The following GRID2 variants were observed in gnomAD, a reference collection of about 807,000 sequenced individuals.
The protein encoded by GRID2 is glutamate receptor ionotropic, delta-2.
A neutral mutation model predicts 114.8 loss-of-function variants in GRID2; 33 were observed. That is an observed-to-expected ratio of 0.29 (90% CI 0.22 to 0.38). GRID2 has a LOEUF of 0.38. Ranked by LOEUF, GRID2 falls within the 10% of genes least tolerant of loss-of-function variation. The pLI is 1.00. For synonymous variants in GRID2, 505 were observed against 449.9 expected (o/e 1.12, Z -1.55); for missense variants, 1,184 against 1,257.7 (o/e 0.94, Z 0.89).
chr4:93,009,914 T>C (rs1251279268), intron 2 of GRID2, among the ~76,000 whole-genome samples: 1 of 152,054 alleles, frequency 6.6e-6, no homozygotes, highest in African/African-American at 2.4e-5. Flanking sequence ...CTCAAGTGCT[T>C]TACCTTTAGT....
intron 2 of GRID2, among the ~76,000 whole-genome samples, chr4:92,989,276 C>CAAAA (rs1182397768): frequency 2.1e-3 from 159 of 74,210 alleles, no homozygotes; most frequent in East Asian, 7.1e-3. Flanking sequence ...GACTCCATCT[C>CAAAA]AAAAAAAAAA....
chr4:93,763,678 T>G (rs1733399981), intron 14 of GRID2, among the ~76,000 whole-genome samples: 2 of 152,160 alleles, frequency 1.3e-5, no homozygotes, highest in African/African-American at 4.8e-5. Context: ...AAAAAGTCAT[T>G]TAAACTCTAC....
intron 8 of GRID2, among the ~76,000 whole-genome samples, chr4:93,348,670 G>A (rs2149257367): frequency 6.6e-6 from 1 of 152,250 alleles, no homozygotes; most frequent in Non-Finnish European, 1.5e-5. Context: ...GGCACTCATA[G>A]ACTGCTTCCC....
At chr4:93,183,668 A>C (rs1740119966) in intron 4 of GRID2, among the ~76,000 whole-genome samples, 1 of 152,208 alleles carries the variant, frequency 6.6e-6, no homozygotes, top group Non-Finnish European at 1.5e-5. Context: ...GCCTGGAATT[A>C]AAAGTAAAGA....
chr4:93,329,346 G>C (rs1157548176), intron 8 of GRID2, among the ~76,000 whole-genome samples: 1 of 152,054 alleles, frequency 6.6e-6, no homozygotes, highest in Non-Finnish European at 1.5e-5. Flanking sequence ...TTAGTCTATA[G>C]TATTTAAATG....
chr4:93,766,117 C>G (rs866410778), intron 14 of GRID2, among the ~76,000 whole-genome samples: 2 of 152,110 alleles, frequency 1.3e-5, no homozygotes, highest in Non-Finnish European at 2.9e-5. Context: ...TGAGTACACA[C>G]TCTCGAAAAT....
At chr4:93,603,676 T>C (rs1388099559) in intron 13 of GRID2, among the ~76,000 whole-genome samples, 1 of 152,206 alleles carries the variant, frequency 6.6e-6, no homozygotes, top group African/African-American at 2.4e-5. Context: ...TTCAAAGGAC[T>C]GTCTGACTCT....
chr4:93,040,720 A>G (rs550522053), intron 2 of GRID2, among the ~76,000 whole-genome samples: 8 of 152,282 alleles, frequency 5.3e-5, no homozygotes, highest in African/African-American at 1.4e-4. Flanking sequence ...GAAATGCCCA[A>G]TACTTTTGAA....
intron 1 of GRID2, among the ~76,000 whole-genome samples, chr4:92,428,390 T>G (rs1015297928): frequency 3.3e-5 from 5 of 152,156 alleles, no homozygotes; most frequent in Non-Finnish European, 5.9e-5. Flanking sequence ...TTTTGTTTTC[T>G]TTTTTCTCTC....
At chr4:93,101,443 G>A (rs191946889) in intron 3 of GRID2, among the ~76,000 whole-genome samples, 1 of 151,774 alleles carries the variant, frequency 6.6e-6, no homozygotes, top group Admixed American at 6.6e-5. Flanking sequence ...TTGGCCCCTG[G>A]TCATCACCAG....
chr4:93,241,533 A>T (rs1199028204), intron 8 of GRID2, among the ~76,000 whole-genome samples: 2 of 151,898 alleles, frequency 1.3e-5, no homozygotes. Context: ...AATTATAATT[A>T]TGCTTATGTT....
At chr4:93,102,343 A>G (rs1731784821) in intron 3 of GRID2, among the ~76,000 whole-genome samples, 1 of 152,208 alleles carries the variant, frequency 6.6e-6, no homozygotes, top group Admixed American at 6.5e-5. Context: ...AGACCTAGAT[A>G]TGCATAATAA....
chr4:93,506,449 C>T (rs961573986), intron 12 of GRID2, among the ~76,000 whole-genome samples: 1 of 152,066 alleles, frequency 6.6e-6, no homozygotes, highest in East Asian at 1.9e-4. Context: ...GCTATTTAAA[C>T]AGTTCTAAAA....
chr4:92,709,192 C>G (rs1452303699), intron 2 of GRID2, among the ~76,000 whole-genome samples: 1 of 151,896 alleles, frequency 6.6e-6, no homozygotes, highest in Non-Finnish European at 1.5e-5. Flanking sequence ...TAAGCAATGC[C>G]CAACTTATCA....
intron 4 of GRID2, among the ~76,000 whole-genome samples, chr4:93,176,599 C>T (rs934595723): frequency 1.3e-5 from 2 of 151,952 alleles, no homozygotes; most frequent in Admixed American, 1.3e-4. Flanking sequence ...TAGGATGTAA[C>T]CGTAGTGTAT....
intron 2 of GRID2, among the ~76,000 whole-genome samples, chr4:92,826,624 A>G (rs539583920): frequency 6.6e-6 from 1 of 152,270 alleles, no homozygotes; most frequent in Non-Finnish European, 1.5e-5. Context: ...AAATGCATGA[A>G]TCATAGCAGT....
At chr4:92,845,113 C>T (rs1473619826) in intron 2 of GRID2, among the ~76,000 whole-genome samples, 1 of 152,028 alleles carries the variant, frequency 6.6e-6, no homozygotes, top group African/African-American at 2.4e-5. Flanking sequence ...TGAAAATAGT[C>T]CTGACTTGAT....
At chr4:92,306,044 C>T (rs889790227) in intron 1 of GRID2, among the ~76,000 whole-genome samples, 4 of 152,324 alleles carry the variant, frequency 2.6e-5, no homozygotes, top group Admixed American at 6.5e-5. Flanking sequence ...CACACACGCA[C>T]GTACACATAC....
At chr4:92,778,990 T>G (rs780063222) in intron 2 of GRID2, among the ~76,000 whole-genome samples, 50 of 152,078 alleles carry the variant, frequency 3.3e-4, no homozygotes, top group Non-Finnish European at 6.2e-4. Context: ...CTCCTATTTA[T>G]TCCTAAAAAA....
Sources: gnomAD v4.1 joint callset for allele counts (sites outside exome capture counted in the v4.1 genomes callset) on GRCh38, gnomAD v4.1.1 for gene constraint, MANE v1.5 for transcripts, NCBI Gene and HGNC (gene_info 2026-07-23, HGNC 2026-07-21) for gene names.